MEI1: variants seen among roughly 807,000 people sequenced by gnomAD.
MEI1 encodes the protein meiosis inhibitor protein 1.
MEI1 carries 103 observed loss-of-function variants against 146.2 expected under a neutral mutation model. That is an observed-to-expected ratio of 0.70 (90% CI 0.60 to 0.83). The LOEUF is 0.83. Ranked by LOEUF, MEI1 falls within the 40% of genes least tolerant of loss-of-function variation. The probability of loss-of-function intolerance (pLI) is 0.00; values close to 1 mark genes in which losing one functional copy is unlikely to be tolerated. For missense variants in MEI1, 1,529 were observed against 1,533.0 expected (o/e 1.00, Z 0.04); for synonymous variants, 652 against 628.2 (o/e 1.04, Z -0.57).
At chr22:41,788,368 C>T (rs1177047275) in intron 26 of MEI1, among the ~76,000 whole-genome samples, 1 of 151,898 alleles carries the variant, frequency 6.6e-6, no homozygotes, top group East Asian at 1.9e-4. Context: ...TGAACTGGGC[C>T]TTGAGTGATG....
intron 18 of MEI1, among the ~76,000 whole-genome samples, chr22:41,759,179 G>A (rs542851084): frequency 1.5e-4 from 23 of 151,940 alleles, no homozygotes; most frequent in Non-Finnish European, 3.2e-4. Flanking sequence ...TAAAAGGGCT[G>A]TTCTTTCTTA....
chr22:41,728,337 A>T (rs2071548760), intron 7 of MEI1, among the ~76,000 whole-genome samples: 1 of 152,220 alleles, frequency 6.6e-6, no homozygotes, highest in South Asian at 2.1e-4. Context: ...TTCTAAGTAT[A>T]ATAGCCTCAG....
chr22:41,797,672 T>C (rs750796453), intron 30 of MEI1, among the ~76,000 whole-genome samples: 17 of 152,150 alleles, frequency 1.1e-4, no homozygotes, highest in Admixed American at 6.5e-5. Flanking sequence ...CAAATGAATT[T>C]TGTGTTTAGA....
intron 3 of MEI1, among the ~76,000 whole-genome samples, chr22:41,706,466 G>T (rs887301611): frequency 6.6e-6 from 1 of 152,180 alleles, no homozygotes; most frequent in Non-Finnish European, 1.5e-5. Context: ...GATTTGATGA[G>T]TGCTGTTACA....
intron 19 of MEI1, among the ~76,000 whole-genome samples, chr22:41,768,739 A>G (rs1242122396): frequency 6.6e-6 from 1 of 152,142 alleles, no homozygotes; most frequent in Admixed American, 6.5e-5. Flanking sequence ...ATGAGAATTC[A>G]CTCAGTATCA....
At chr22:41,763,418 G>T (rs1602010305) in intron 19 of MEI1, 97 bp downstream of exon 19, 1 of 1,390,660 alleles carries the variant, frequency 7.2e-7, no homozygotes, top group African/African-American at 1.4e-5. Flanking sequence ...AGACAAGCGG[G>T]TGGTAGAGAG....
chr22:41,772,894 T>C (rs900372028), intron 20 of MEI1, among the ~76,000 whole-genome samples: 1 of 152,176 alleles, frequency 6.6e-6, no homozygotes. Flanking sequence ...CAACCATCTA[T>C]TTGACATTTC....
At chr22:41,763,723 A>G (rs1022712019) in intron 19 of MEI1, among the ~76,000 whole-genome samples, 14 of 151,630 alleles carry the variant, frequency 9.2e-5, no homozygotes, top group African/African-American at 2.9e-4. Flanking sequence ...CAGGAGTTCA[A>G]GACCAGCCTG....
chr22:41,797,350 G>A (rs139434616), intron 30 of MEI1, among the ~76,000 whole-genome samples: 376 of 152,058 alleles, frequency 2.5e-3, no homozygotes, highest in African/African-American at 8.7e-3. Flanking sequence ...CGTGGCTCAC[G>A]CCTGTAATCC....
intron 11 of MEI1, among the ~76,000 whole-genome samples, chr22:41,738,896 G>A (rs2147696225): frequency 6.6e-6 from 1 of 152,068 alleles, no homozygotes; most frequent in South Asian, 2.1e-4. Flanking sequence ...GAGCCTGGGA[G>A]TTTGAGGTTA....
chr22:41,726,181 G>A (rs1201584122), intron 7 of MEI1, among the ~76,000 whole-genome samples: 1 of 152,158 alleles, frequency 6.6e-6, no homozygotes, highest in Non-Finnish European at 1.5e-5. Context: ...GGGAGGCTGA[G>A]GCAGGAGAAT....
intron 18 of MEI1, among the ~76,000 whole-genome samples, chr22:41,762,677 A>G (rs1027483676): frequency 2.0e-5 from 3 of 151,346 alleles, no homozygotes; most frequent in African/African-American, 7.3e-5. Context: ...ATGAGCCATC[A>G]CACCTGGCCG....
rs900319218 is a variant in MEI1, at chr22:41,790,204, T to C, written c.3346-3625T>C. On this transcript the variant is annotated intron_variant, in intron 26 of 30. Coordinates refer to ENST00000401548, the MANE Select transcript of MEI1 (RefSeq NM_152513.4). ...TGCAAGAGATTCTCGTGCCTCAGCC[T>C]ACCAAGTAGCTGGGATTACAGGCAC... is the stretch of plus-strand genomic sequence containing the variant. Among the ~76,000 whole-genome samples, 4 of 152,298 alleles carry C rather than the reference T, an allele frequency of 2.6e-5. No homozygotes were observed. In the South Asian group the frequency reaches 8.3e-4, roughly 32 times the overall value.
Position 41,718,271 on chromosome 22 carries a change from T to C in MEI1, c.730T>C (p.Leu244=), listed in dbSNP as rs773331911. ...GACAAAGGAGCTGCAGATTAACTGC[T>C]TGGGTAAGACATGAGGCTGGAGAAA... The part of the protein sequence containing the change: ...AQTKELQINC[L]GLLRQLLKYD... The change falls in exon 6 of 31, where the codon TTG becomes CTG. Residue 244 remains leucine (L), a synonymous_variant. Coordinates refer to ENST00000401548, the MANE Select transcript of MEI1 (RefSeq NM_152513.4). 11 of 1,613,796 alleles carry C rather than the reference T, an allele frequency of 6.8e-6. No individual in the cohort carries two copies. The highest frequency in any genetic ancestry group is 9.3e-6 in the Non-Finnish European group (11 of 1,179,800).
intron 18 of MEI1, 31 bp downstream of exon 18, chr22:41,758,564 G>A: frequency 6.3e-7 from 1 of 1,593,824 alleles, no homozygotes. Flanking sequence ...GGCTGGTGGT[G>A]GGTCTTGGGA....
chr22:41,721,626 C>G (rs367765462), intron 6 of MEI1, among the ~76,000 whole-genome samples: 1 of 151,176 alleles, frequency 6.6e-6, no homozygotes, highest in Non-Finnish European at 1.5e-5. Context: ...CTGCTGGGCT[C>G]AAGAGATCCA....
chr22:41,705,671 A>C (rs1003475355), intron 3 of MEI1, 117 bp downstream of exon 3: 5 of 797,872 alleles, frequency 6.3e-6, no homozygotes, highest in Non-Finnish European at 8.5e-6. Flanking sequence ...GAGGAACCCC[A>C]TTAGTTTTCA....
In MEI1 at chr22:41,785,910, A is replaced by ATT. The variant is rs1158591831; in HGVS notation, c.3345+1130_3345+1131dup. ...TTATTTTTTTATTTTTTTATTTTTTATTTTATTTTTTTTTTTTTGAGACGG... is the reference window on the plus strand; with the variant it reads ...TTATTTTTTTATTTTTTTATTTTTTATTTTTTATTTTTTTTTTTTTGAGACGG... On this transcript the variant is annotated intron_variant, in intron 26 of 30. Coordinates refer to ENST00000401548, the MANE Select transcript of MEI1 (RefSeq NM_152513.4). Among the ~76,000 whole-genome samples the ATT allele has an allele frequency of 2.6e-3, 247 of 96,374 alleles. 10 individuals carry two copies. Among genetic ancestry groups the ATT allele is most frequent in the Admixed American group, 8.8e-3 (56 of 6,374 alleles). The allele number at this position is 96,374 out of a possible 152,430, so 63.2% of individuals were successfully genotyped here. A position where few individuals can be genotyped will look rare whatever the true frequency, so the allele number is the denominator to read the frequency against.
chr22:41,745,531 T>C (rs1003565407), intron 13 of MEI1, among the ~76,000 whole-genome samples: 7 of 151,976 alleles, frequency 4.6e-5, no homozygotes, highest in African/African-American at 1.2e-4. Flanking sequence ...GGTATATATG[T>C]GGGATTTGTT....
Sources: gnomAD v4.1 joint callset for allele counts (sites outside exome capture counted in the v4.1 genomes callset) on GRCh38, gnomAD v4.1.1 for gene constraint, MANE v1.5 for transcripts, NCBI Gene and HGNC (gene_info 2026-07-23, HGNC 2026-07-21) for gene names.